Variants in DOCK10 observed in about 807,000 individuals in gnomAD.
DOCK10 encodes the protein dedicator of cytokinesis 10, also known as dedicator of cytokinesis protein 10.
DOCK10 carries 145 observed loss-of-function variants against 280.1 expected under a neutral mutation model. That is an observed-to-expected ratio of 0.52 (90% CI 0.45 to 0.59). DOCK10 has a LOEUF of 0.59. DOCK10 is among the 20% of genes least tolerant of loss of function. The pLI is 0.00. For missense variants in DOCK10, 2,368 were observed against 2,651.7 expected (o/e 0.89, Z 2.35); for synonymous variants, 915 against 942.2 (o/e 0.97, Z 0.53).
intron 18 of DOCK10, among the ~76,000 whole-genome samples, chr2:224,851,292 T>C (rs1224340700): frequency 6.6e-6 from 1 of 152,174 alleles, no homozygotes. Flanking sequence ...AGAATTTTCC[T>C]CACAAAAACA....
intron 1 of DOCK10, among the ~76,000 whole-genome samples, chr2:224,956,953 C>A (rs960027639): frequency 2.0e-5 from 3 of 152,222 alleles, no homozygotes; most frequent in Non-Finnish European, 2.9e-5. Flanking sequence ...TCACTGGCCA[C>A]GGCTGTGCTT....
chr2:225,017,104 TTAAAC>T (rs1181271835), intron 1 of DOCK10, among the ~76,000 whole-genome samples: 1 of 74,310 alleles, frequency 1.3e-5, no homozygotes. Flanking sequence ...CTGAATAAAA[TTAAAC>T]CAAAAAAAAA....
intron 1 of DOCK10, among the ~76,000 whole-genome samples, chr2:224,935,173 T>C (rs892854850): frequency 6.6e-6 from 1 of 152,224 alleles, no homozygotes; most frequent in African/African-American, 2.4e-5. Context: ...ACTGTCATCT[T>C]TGTAATAGTC....
chr2:224,805,398 G>A lies in DOCK10; in HGVS notation c.3936+10C>T, dbSNP rs1693331825. On this transcript the variant is annotated intron_variant, in intron 35 of 55. Transcript: ENST00000258390. The surrounding 1 kb of genome is among the most constrained non-coding windows in gnomAD (Gnocchi z 4.3). ...TGTAATGATCAGTAGGTTTGAGAGG[G>A]AAGTCATACCTTTTCACAGTTGTCC... The A allele has an allele frequency of 6.2e-7, 1 of 1,612,740 alleles. No homozygotes were observed. The highest frequency in any genetic ancestry group is 1.3e-5 in the African/African-American group (1 of 74,942).
At chr2:225,018,909 C>T (rs917877832) in intron 1 of DOCK10, among the ~76,000 whole-genome samples, 3 of 138,704 alleles carry the variant, frequency 2.2e-5, no homozygotes, top group South Asian at 2.3e-4. Context: ...ATATGTATAT[C>T]GTTATATATG....
chr2:224,965,722 T>C (rs1704696943), intron 1 of DOCK10, among the ~76,000 whole-genome samples: 1 of 152,206 alleles, frequency 6.6e-6, no homozygotes, highest in East Asian at 1.9e-4. Context: ...TTAACTGGCT[T>C]CCCTAAAACT....
At chr2:224,929,782 C>T (rs1702226862) in intron 2 of DOCK10, among the ~76,000 whole-genome samples, 2 of 152,176 alleles carry the variant, frequency 1.3e-5, no homozygotes, top group Admixed American at 6.5e-5. Flanking sequence ...AGCCCATCTA[C>T]CTGCATCCTC....
chr2:224,946,990 A>G, intron 1 of DOCK10: 1 of 1,523,578 alleles, frequency 6.6e-7, no homozygotes, highest in Non-Finnish European at 8.8e-7. Flanking sequence ...ATTTCAAAAT[A>G]TCAATGTCGT....
In DOCK10 at chr2:225,029,567, C is replaced by T. The variant is rs144875002; in HGVS notation, c.123+12685G>A. 8.0e-4 allele frequency among the ~76,000 whole-genome samples: 122 copies of T among 152,094 alleles called. 3 individuals carry two copies. The East Asian group carries it at 0.021, about 26-fold the overall frequency. On this transcript the variant is annotated intron_variant, in intron 1 of 55. Coordinates refer to ENST00000258390, the MANE Select transcript of DOCK10 (RefSeq NM_014689.3). ...AGCACAGTTTTTCTTTTTTAATTAACAATATATATTTCATGTGGAGTTGGT... is the reference window on the plus strand; with the variant it reads ...AGCACAGTTTTTCTTTTTTAATTAATAATATATATTTCATGTGGAGTTGGT...
chr2:224,790,981 G>C (rs1692151128), intron 47 of DOCK10, among the ~76,000 whole-genome samples: 2 of 152,038 alleles, frequency 1.3e-5, no homozygotes, highest in African/African-American at 4.8e-5. Context: ...ATGTATCATA[G>C]ATGATCACCT....
intron 14 of DOCK10, among the ~76,000 whole-genome samples, chr2:224,857,629 T>C (rs1697231795): frequency 6.6e-6 from 1 of 152,146 alleles, no homozygotes; most frequent in African/African-American, 2.4e-5. Context: ...AACACATAAA[T>C]AGCTTTTGTC....
chr2:225,013,367 T>C (rs781509221), intron 1 of DOCK10, among the ~76,000 whole-genome samples: 3 of 152,200 alleles, frequency 2.0e-5, no homozygotes, highest in Non-Finnish European at 4.4e-5. Flanking sequence ...GGTGCTTGTA[T>C]AGTTAAGTGT....
intron 19 of DOCK10, among the ~76,000 whole-genome samples, chr2:224,845,877 T>C (rs571749493): frequency 1.3e-5 from 2 of 152,102 alleles, no homozygotes; most frequent in African/African-American, 2.4e-5. Context: ...GCACACACTA[T>C]CATGCCAAGC....
At chr2:225,013,567 T>C (rs533502201) in intron 1 of DOCK10, among the ~76,000 whole-genome samples, 1 of 152,238 alleles carries the variant, frequency 6.6e-6, no homozygotes, top group African/African-American at 2.4e-5. Context: ...CAAAGTGAAG[T>C]GGAGAGCTGA....
chr2:224,941,197 CTTT>C (rs545063311), intron 1 of DOCK10, among the ~76,000 whole-genome samples: 3 of 140,758 alleles, frequency 2.1e-5, no homozygotes, highest in Admixed American at 7.1e-5. Flanking sequence ...CATTACTGCT[CTTT>C]TTTTTTTTTT....
At chr2:224,846,495 T>G (rs1696361755) in intron 19 of DOCK10, among the ~76,000 whole-genome samples, 1 of 147,226 alleles carries the variant, frequency 6.8e-6, no homozygotes, top group African/African-American at 2.6e-5. Flanking sequence ...AGCCTTGACC[T>G]CTGGCTTTTT....
intron 11 of DOCK10, among the ~76,000 whole-genome samples, chr2:224,867,120 T>C (rs1046578763): frequency 6.6e-6 from 1 of 151,982 alleles, no homozygotes; most frequent in African/African-American, 2.4e-5. Flanking sequence ...AATTTATTTA[T>C]CTCTATCTGT....
intron 47 of DOCK10, among the ~76,000 whole-genome samples, chr2:224,789,746 A>G (rs1350870365): frequency 6.6e-6 from 1 of 150,770 alleles, no homozygotes; most frequent in Non-Finnish European, 1.5e-5. Context: ...TCTCTCCCAC[A>G]GTGGCCCCCA....
At chr2:224,834,330 A>G in intron 25 of DOCK10, 67 bp from the exon 26 acceptor site, 1 of 923,750 alleles carries the variant, frequency 1.1e-6, no homozygotes, top group Non-Finnish European at 1.8e-6. Flanking sequence ...AAACTATGTC[A>G]TGTGAATAAC....
Sources: gnomAD v4.1 joint callset for allele counts (sites outside exome capture counted in the v4.1 genomes callset) on GRCh38, gnomAD v4.1.1 for gene constraint, Gnocchi (gnomAD v3.1) non-coding constraint, MANE v1.5 for transcripts, NCBI Gene and HGNC (gene_info 2026-07-23, HGNC 2026-07-21) for gene names.